The following NCKAP5 variants were observed in gnomAD, a reference collection of about 807,000 sequenced individuals.
NCKAP5 encodes the protein NCK associated protein 5.
Under a neutral mutation model 167.0 loss-of-function variants are expected in NCKAP5, and 92 were observed. The observed-to-expected ratio is 0.55, with a 90% confidence interval of 0.47 to 0.66. The LOEUF is 0.66. Among genes scored for constraint, NCKAP5 ranks in the 30% least tolerant of loss-of-function variants. The probability of loss-of-function intolerance (pLI) is 0.00; values close to 1 mark genes in which losing one functional copy is unlikely to be tolerated. For synonymous variants in NCKAP5, 891 were observed against 877.4 expected (o/e 1.02, Z -0.27); for missense variants, 2,378 against 2,315.0 (o/e 1.03, Z -0.56).
intron 8 of NCKAP5, among the ~76,000 whole-genome samples, chr2:132,902,649 G>C (rs1042196913): frequency 6.6e-6 from 1 of 152,212 alleles, no homozygotes; most frequent in Admixed American, 6.5e-5. Context: ...TAAAAGGCTT[G>C]ATTGAAGAGA....
At chr2:133,275,172 G>A (rs1265600273) in intron 4 of NCKAP5, among the ~76,000 whole-genome samples, 2 of 152,028 alleles carry the variant, frequency 1.3e-5, no homozygotes, top group Non-Finnish European at 2.9e-5. Flanking sequence ...CTTAATATCA[G>A]TACTGGGGAA....
intron 3 of NCKAP5, among the ~76,000 whole-genome samples, chr2:133,418,650 G>A (rs1359949450): frequency 6.6e-6 from 1 of 152,074 alleles, no homozygotes; most frequent in Admixed American, 6.5e-5. Flanking sequence ...AGCAAAACTG[G>A]GTGGTATATA....
intron 11 of NCKAP5, among the ~76,000 whole-genome samples, chr2:132,820,418 CG>C: frequency 6.6e-6 from 1 of 151,856 alleles, no homozygotes; most frequent in Non-Finnish European, 1.5e-5. Flanking sequence ...TTAGTAGAGA[CG>C]GGGTTTCATT....
At chr2:132,675,249 A>T (rs1684284793) in intron 19 of NCKAP5, among the ~76,000 whole-genome samples, 1 of 152,248 alleles carries the variant, frequency 6.6e-6, no homozygotes, top group Non-Finnish European at 1.5e-5. Flanking sequence ...CTGAGGGCAG[A>T]CAGGCTGAGC....
chr2:133,650,311 C>A, the NCKAP5 span, among the ~76,000 whole-genome samples: 5 of 151,912 alleles, frequency 3.3e-5, 1 homozygote, highest in Admixed American at 3.3e-4. Context: ...CAGATTCAAT[C>A]TAATAACTAA....
At chr2:132,963,929 G>C (rs2076590516) in intron 7 of NCKAP5, 60 bp from the exon 8 acceptor site, 5 of 1,587,986 alleles carry the variant, frequency 3.1e-6, no homozygotes, top group Non-Finnish European at 3.4e-6. Flanking sequence ...GCATGAGTGT[G>C]AGGCTGAAAA....
intron 3 of NCKAP5, among the ~76,000 whole-genome samples, chr2:133,398,251 A>G (rs1687879199): frequency 6.6e-6 from 1 of 152,238 alleles, no homozygotes; most frequent in African/African-American, 2.4e-5. Flanking sequence ...AACAAGAGAT[A>G]TGTAATATTT....
rs2080008585 is a variant in NCKAP5, at chr2:133,061,715, G to A, written c.342-67476C>T. The stretch of plus-strand genomic sequence containing the variant: ...TTGTTGGGGAAAATAAAAATGGAGG[G>A]GAGAAAAAGAAAGATACAATTTCAG... On this transcript the variant is annotated intron_variant, in intron 6 of 19. Coordinates refer to ENST00000409261, the MANE Select transcript of NCKAP5 (RefSeq NM_207363.3). Among the ~76,000 whole-genome samples the A allele has an allele frequency of 2.0e-5, 3 of 152,128 alleles. No homozygotes were observed. The South Asian group carries it at 6.2e-4, about 32-fold the overall frequency.
intron 6 of NCKAP5, among the ~76,000 whole-genome samples, chr2:132,996,276 T>G (rs1455609103): frequency 6.6e-6 from 1 of 152,266 alleles, no homozygotes; most frequent in African/African-American, 2.4e-5. Flanking sequence ...ATCAACATCT[T>G]TACACATACC....
At chr2:132,685,495 GT>G (rs1254517919) in intron 19 of NCKAP5, among the ~76,000 whole-genome samples, 1 of 152,122 alleles carries the variant, frequency 6.6e-6, no homozygotes, top group Non-Finnish European at 1.5e-5. Context: ...TGTTTCTCTG[GT>G]GGCAGACAGG....
At chr2:133,214,440 CT>C (rs2086343177) in intron 4 of NCKAP5, among the ~76,000 whole-genome samples, 2 of 152,068 alleles carry the variant, frequency 1.3e-5, no homozygotes, top group African/African-American at 4.8e-5. Context: ...AAAAAGTCTG[CT>C]TATCATTTCT....
At chr2:133,096,842 G>A (rs2081358505) in intron 6 of NCKAP5, among the ~76,000 whole-genome samples, 1 of 152,094 alleles carries the variant, frequency 6.6e-6, no homozygotes, top group South Asian at 2.1e-4. Context: ...ATCTATCCAG[G>A]TGCCAATATT....
intron 2 of NCKAP5, among the ~76,000 whole-genome samples, chr2:133,530,865 C>T (rs923320935): frequency 6.6e-6 from 1 of 152,148 alleles, no homozygotes; most frequent in African/African-American, 2.4e-5. Flanking sequence ...GGAGAGGTGA[C>T]AGCCACACCA....
intron 11 of NCKAP5, among the ~76,000 whole-genome samples, chr2:132,818,887 G>A (rs1035038751): frequency 6.6e-6 from 1 of 152,094 alleles, no homozygotes; most frequent in African/African-American, 2.4e-5. Flanking sequence ...TTGTGTATGT[G>A]TATCACTATT....
chr2:133,528,995 C>A (rs1685141477), intron 2 of NCKAP5, among the ~76,000 whole-genome samples: 1 of 152,094 alleles, frequency 6.6e-6, no homozygotes, highest in East Asian at 1.9e-4. Context: ...TTCCCTAGAG[C>A]AAATATAATT....
At chr2:133,026,675 T>G (rs2078708909) in intron 6 of NCKAP5, among the ~76,000 whole-genome samples, 1 of 152,208 alleles carries the variant, frequency 6.6e-6, no homozygotes, top group Non-Finnish European at 1.5e-5. Flanking sequence ...GAGACTGAAC[T>G]GTTTTTGAGA....
intron 3 of NCKAP5, among the ~76,000 whole-genome samples, chr2:133,426,467 G>T (rs933027320): frequency 6.6e-6 from 1 of 150,580 alleles, no homozygotes; most frequent in Non-Finnish European, 1.5e-5. Flanking sequence ...AGACATAGAG[G>T]GGCTATTTCC....
intron 3 of NCKAP5, among the ~76,000 whole-genome samples, chr2:133,462,845 TA>T (rs1459449812): frequency 1.3e-5 from 2 of 152,226 alleles, no homozygotes; most frequent in African/African-American, 2.4e-5. Flanking sequence ...ACAGACATGT[TA>T]AAATGCAATG....
At chr2:133,406,109 C>T (rs1688410894) in intron 3 of NCKAP5, among the ~76,000 whole-genome samples, 1 of 152,226 alleles carries the variant, frequency 6.6e-6, no homozygotes, top group Non-Finnish European at 1.5e-5. Flanking sequence ...CACAGCCTAA[C>T]ATGTCATCAA....
Sources: allele counts gnomAD v4.1 joint callset (sites outside exome capture counted in the v4.1 genomes callset), GRCh38; gene constraint gnomAD v4.1.1; transcripts MANE v1.5; gene names NCBI Gene and HGNC (gene_info 2026-07-23, HGNC 2026-07-21).